The following SUN5 variants were observed in gnomAD, a reference collection of about 807,000 sequenced individuals.
SUN5 encodes Sad1 and UNC84 domain containing 5, also known as SUN domain-containing protein 5.
A neutral mutation model predicts 53.7 loss-of-function variants in SUN5; 44 were observed. That is an observed-to-expected ratio of 0.82 (90% CI 0.64 to 1.05). The LOEUF is 1.05. Among genes scored for constraint, SUN5 ranks in the 50% least tolerant of loss-of-function variants. SUN5 has a pLI of 0.00. For synonymous variants in SUN5, 166 were observed against 179.8 expected (o/e 0.92, Z 0.62); for missense variants, 433 against 483.8 (o/e 0.90, Z 0.98).
chr20:32,989,070 C>T (rs944897597), intron 9 of SUN5, among the ~76,000 whole-genome samples: 1 of 152,028 alleles, frequency 6.6e-6, no homozygotes, highest in Non-Finnish European at 1.5e-5. Context: ...GGACTACAGG[C>T]GCCCACCACC....
At chr20:32,987,814 T>A (rs1268426871) in intron 9 of SUN5, 39 bp from the exon 10 acceptor site, 2 of 1,557,598 alleles carry the variant, frequency 1.3e-6, no homozygotes, top group Non-Finnish European at 1.8e-6. Flanking sequence ...GCAGCCGGGC[T>A]TCTGCCTGGT....
At chr20:32,986,729 T>C (rs768694901) in intron 10 of SUN5, among the ~76,000 whole-genome samples, 1 of 152,176 alleles carries the variant, frequency 6.6e-6, no homozygotes. Flanking sequence ...GGGCAGAGTC[T>C]TGGCTGGGCT....
chr20:32,989,441 C>T (rs1325882857), intron 9 of SUN5, among the ~76,000 whole-genome samples, 179 bp downstream of exon 9: 1 of 66,586 alleles, frequency 1.5e-5, no homozygotes, highest in Non-Finnish European at 3.1e-5. Context: ...TACCCCCATA[C>T]CCCACCCCGT....
At chr20:32,989,127 G>T (rs761959253) in intron 9 of SUN5, among the ~76,000 whole-genome samples, 1 of 151,762 alleles carries the variant, frequency 6.6e-6, no homozygotes, top group Non-Finnish European at 1.5e-5. Context: ...GGGTTTCACC[G>T]TGTTAGCCAG....
At chr20:32,985,057 GCATT>G in intron 12 of SUN5, 38 bp downstream of exon 12, 1 of 1,599,384 alleles carries the variant, frequency 6.3e-7, no homozygotes, top group Non-Finnish European at 8.6e-7. Flanking sequence ...TGCACACTGT[GCATT>G]CAGCAGGTGC....
intron 6 of SUN5, among the ~76,000 whole-genome samples, chr20:32,996,844 A>G (rs1272536286): frequency 6.6e-6 from 1 of 151,770 alleles, no homozygotes; most frequent in Non-Finnish European, 1.5e-5. Flanking sequence ...ATCAAATCCA[A>G]CCTTCCATCT....
intron 1 of SUN5, 83 bp downstream of exon 1, chr20:33,004,181 C>T: frequency 2.8e-6 from 4 of 1,404,724 alleles, no homozygotes; most frequent in Non-Finnish European, 2.9e-6. Flanking sequence ...TTGACAATGC[C>T]ACTCATCTCC....
chr20:32,984,094 C>T (rs1989469181), intron 12 of SUN5, 145 bp from the exon 13 acceptor site: 1 of 985,258 alleles, frequency 1.0e-6, no homozygotes, highest in Non-Finnish European at 1.4e-6. Flanking sequence ...CAAGGCCTCA[C>T]AGCAAGTCGA....
In SUN5 at chr20:32,989,668, T is replaced by C. The variant is rs762333412; in HGVS notation, c.565A>G (p.Ile189Val). 1.2e-5 allele frequency: 19 copies of C among 1,613,894 alleles called. 1 individual carries two copies. Among genetic ancestry groups the C allele is most frequent in the Middle Eastern group, 1.6e-4 (1 of 6,084 alleles). The change falls in exon 9 of 13, where the codon ATA becomes GTA. Residue 189 changes from isoleucine to valine, a missense_variant. Coordinates refer to ENST00000356173, the MANE Select transcript of SUN5 (RefSeq NM_080675.4). ...GGCTTTTCGATGTAATCTCCGTGTA[T>C]CATCTTCATTATTTTCTGGGCCATT... ...QKMAQKIMKM[I>V]HGDYIEKPDF...
chr20:33,001,506 A>ATT (rs1792704129), intron 3 of SUN5, among the ~76,000 whole-genome samples: 3 of 26,150 alleles, frequency 1.1e-4, no homozygotes, highest in African/African-American at 6.1e-4. Context: ...GTTAACAGAC[A>ATT]TTTTCTTTCT....
intron 1 of SUN5, 95 bp downstream of exon 1, chr20:33,004,169 A>T: frequency 7.4e-7 from 1 of 1,343,234 alleles, no homozygotes. Context: ...TGTACAGTAC[A>T]GTTGACAATG....
At chr20:32,988,338 A>C (rs1600490543) in intron 9 of SUN5, among the ~76,000 whole-genome samples, 1 of 152,202 alleles carries the variant, frequency 6.6e-6, no homozygotes, top group Admixed American at 6.5e-5. Context: ...GGGGTGCCCG[A>C]GTTGGAGGTG....
At chr20:33,000,586 C>T (rs931096822) in intron 4 of SUN5, among the ~76,000 whole-genome samples, 21 of 152,180 alleles carry the variant, frequency 1.4e-4, no homozygotes, top group African/African-American at 5.1e-4. Flanking sequence ...GGTGCGGTGG[C>T]TCATGCCTGT....
Position 33,002,919 on chromosome 20 carries a change from C to T in SUN5, c.78G>A (p.Arg26=), listed in dbSNP as rs762771344. ...EDVAHNPRPR[R]IAQRGRNTSR... Reference sequence around the variant, plus strand: ...TGGTGTTCCGGCCTCGCTGGGCAATCCTGGGGATGATAAGATTCATAGTCG... The same window carrying T: ...TGGTGTTCCGGCCTCGCTGGGCAATTCTGGGGATGATAAGATTCATAGTCG... Residue 26 remains arginine, a splice_region_variant and synonymous_variant, in exon 2 of 13, where the codon AGG becomes AGA. Transcript: ENST00000356173. 1 of 1,614,006 alleles carries T rather than the reference C, an allele frequency of 6.2e-7. No individual in the cohort carries two copies. The highest frequency in any genetic ancestry group is 1.3e-5 in the African/African-American group (1 of 74,914).
Position 33,001,256 on chromosome 20 carries a change from G to A in SUN5, c.234C>T (p.Cys78=). The part of the protein sequence containing the change: ...GCVSWFTCFA[C]SLRTQAQQVL... ...CCTGCTGGGCCTGAGTTCTCAGGGA[G>A]CAGGCAAAACAGGTGAACCAGGCTG... The change falls in exon 4 of 13, where the codon TGC becomes TGT. Residue 78 remains cysteine (C), a synonymous_variant. Coordinates refer to ENST00000356173, the MANE Select transcript of SUN5 (RefSeq NM_080675.4). 1 of 1,577,910 alleles carries A rather than the reference G, an allele frequency of 6.3e-7. No individual in the cohort carries two copies. Among genetic ancestry groups the A allele is most frequent in the Non-Finnish European group, 8.6e-7 (1 of 1,159,262 alleles).
Position 32,995,633 on chromosome 20 carries a change from C to T in SUN5, c.520G>A (p.Ala174Thr), listed in dbSNP as rs17123951. ...QLIAKLQEME[A>T]MSDEQKMAQK... is the part of the protein sequence containing the mutation. ...CAGCGTCTCACCTCATCGGACATGG[C>T]TTCCATCTCCTGGAGCTTGGCAATG... Residue 174 changes from alanine (A) to threonine (T), a missense_variant, in exon 8 of 13, where the codon GCC becomes ACC. Ala to Thr is a moderately conservative substitution (Grantham distance 58). Coordinates refer to ENST00000356173, the MANE Select transcript of SUN5 (RefSeq NM_080675.4). The T allele has an allele frequency of 7.6e-3, 12,273 of 1,614,062 alleles. 833 individuals are homozygous for T. The African/African-American group carries it at 0.14, about 19-fold the overall frequency.
At position 33,004,255 on chromosome 20, in the gene SUN5, C is replaced by T. The variant is rs1405744738; in HGVS notation, c.77+9G>A. ...AGGGCTGGGCAAAGGGAGGGGCTGC[C>T]ATCCTCACCTCCGGGGTCTGGGATT... On this transcript the variant is annotated intron_variant, in intron 1 of 12. Coordinates refer to ENST00000356173, the MANE Select transcript of SUN5 (RefSeq NM_080675.4). 1 of 1,558,578 alleles carries T rather than the reference C, an allele frequency of 6.4e-7. No homozygotes were observed. Among genetic ancestry groups the T allele is most frequent in the Non-Finnish European group, 8.7e-7 (1 of 1,151,068 alleles).
chr20:32,993,243 T>C (rs75727840), intron 8 of SUN5, among the ~76,000 whole-genome samples: 2,746 of 152,316 alleles, frequency 0.018, 59 homozygotes, highest in East Asian at 0.05. Flanking sequence ...ATTGACGGAT[T>C]CCAAAGGGTG....
chr20:32,992,186 G>A (rs1367128943), intron 8 of SUN5, among the ~76,000 whole-genome samples: 3 of 152,148 alleles, frequency 2.0e-5, no homozygotes, highest in Non-Finnish European at 4.4e-5. Context: ...AGCATCCTTG[G>A]CTACCCACTA....
Sources: gnomAD v4.1 joint callset for allele counts (sites outside exome capture counted in the v4.1 genomes callset) on GRCh38, gnomAD v4.1.1 for gene constraint, MANE v1.5 for transcripts, NCBI Gene and HGNC (gene_info 2026-07-23, HGNC 2026-07-21) for gene names.